The following P4HA3 variants were observed in gnomAD, a reference collection of about 807,000 sequenced individuals.
P4HA3 encodes prolyl 4-hydroxylase subunit alpha-3.
In P4HA3, 60 loss-of-function variants were observed where a neutral mutation model predicts 66.7. That is an observed-to-expected ratio of 0.90 (90% CI 0.73 to 1.12). P4HA3 has a LOEUF of 1.12. Ranked by LOEUF, P4HA3 falls within the 50% of genes most tolerant of loss-of-function variation. The probability of loss-of-function intolerance (pLI) is 0.00; values close to 1 mark genes in which losing one functional copy is unlikely to be tolerated. For missense variants in P4HA3, 683 were observed against 685.8 expected (o/e 1.00, Z 0.05); for synonymous variants, 263 against 274.6 (o/e 0.96, Z 0.42).
intron 15 of P4HA3, chr11:74,255,947 T>C: frequency 1.9e-6 from 1 of 517,180 alleles, no homozygotes; most frequent in Middle Eastern, 3.2e-4. Flanking sequence ...TTTGCTGAGC[T>C]ATGTGCCCTC....
chr11:74,259,170 G>A (rs1253709934), intron 15 of P4HA3, among the ~76,000 whole-genome samples: 2 of 152,194 alleles, frequency 1.3e-5, no homozygotes, highest in East Asian at 3.9e-4. Context: ...AAGCCAAGGT[G>A]GGCAGATAGT....
intron 1 of P4HA3, 134 bp downstream of exon 1, chr11:74,311,278 G>C: frequency 9.4e-7 from 1 of 1,066,308 alleles, no homozygotes; most frequent in Non-Finnish European, 1.3e-6. Context: ...CAGTCGCACG[G>C]TGCGACAGTG....
At chr11:74,277,202 C>T (rs546725559) in intron 8 of P4HA3, 58 bp from the exon 9 acceptor site, 14 of 1,544,580 alleles carry the variant, frequency 9.1e-6, no homozygotes, top group African/African-American at 6.8e-5. Flanking sequence ...GACTAAATGA[C>T]GTCTCTGAAT....
intron 4 of P4HA3, among the ~76,000 whole-genome samples, chr11:74,292,439 A>G (rs922126098): frequency 4.6e-5 from 7 of 151,876 alleles, no homozygotes; most frequent in Admixed American, 1.3e-4. Flanking sequence ...TTGTGTCTCT[A>G]TTTCCTTCAA....
intron 7 of P4HA3, among the ~76,000 whole-genome samples, chr11:74,280,142 G>A (rs2134748892): frequency 6.6e-6 from 1 of 152,158 alleles, no homozygotes; most frequent in East Asian, 1.9e-4. Context: ...TCTAGGTATA[G>A]CATTTAAATT....
intron 7 of P4HA3, among the ~76,000 whole-genome samples, chr11:74,282,142 AC>A (rs1860629560): frequency 2.7e-5 from 4 of 149,102 alleles, no homozygotes; most frequent in African/African-American, 7.3e-5. Flanking sequence ...AAAAAAAAAA[AC>A]AAAAAAAAAC....
intron 5 of P4HA3, among the ~76,000 whole-genome samples, chr11:74,288,146 C>A (rs1028730019): frequency 6.6e-6 from 1 of 152,138 alleles, no homozygotes. Context: ...CAAATACATA[C>A]ATATAACTTT....
chr11:74,270,035 T>C (rs931969264), intron 10 of P4HA3, among the ~76,000 whole-genome samples: 5 of 152,066 alleles, frequency 3.3e-5, no homozygotes, highest in Non-Finnish European at 5.9e-5. Flanking sequence ...AAATACATTT[T>C]AAATAATGAC....
At chr11:74,250,645 G>T (rs992815067) in intron 15 of P4HA3, 1 of 263,090 alleles carries the variant, frequency 3.8e-6, no homozygotes. Context: ...TAAAATGTTG[G>T]TTTTTGTGTT....
chr11:74,287,413 A>G (rs1410323510), intron 5 of P4HA3: 1 of 1,031,166 alleles, frequency 9.7e-7, no homozygotes, highest in African/African-American at 1.7e-5. Flanking sequence ...AAAGCCGGAA[A>G]TAAAACTGGG....
chr11:74,300,620 C>A (rs1448375033), intron 3 of P4HA3, among the ~76,000 whole-genome samples: 1 of 152,058 alleles, frequency 6.6e-6, no homozygotes, highest in Non-Finnish European at 1.5e-5. Flanking sequence ...GATGGCAGAG[C>A]AAAACCCTAA....
At chr11:74,277,572 T>C (rs574072384) in intron 8 of P4HA3, among the ~76,000 whole-genome samples, 1 of 152,346 alleles carries the variant, frequency 6.6e-6, no homozygotes, top group Admixed American at 6.5e-5. Flanking sequence ...GTCTATAAAA[T>C]TGGGATGATA....
At position 74,267,008 on chromosome 11, in the gene P4HA3, T is replaced by TC; in HGVS notation, c.*239dup. The stretch of plus-strand genomic sequence containing the variant: ...AGAAACTTCCCTCTCAGGCCTCCAC[T>TC]CCCCCCTCCTTTGTACTGTGCATCC... On this transcript the variant is annotated 3_prime_UTR_variant, in exon 13 of 13. Transcript: ENST00000331597. 6.6e-7 allele frequency: 1 copy of TC among 1,504,462 alleles called. No homozygotes were observed. 93.2% of individuals were successfully genotyped at this position (1,504,462 alleles called of 1,614,324 possible).
intron 1 of P4HA3, among the ~76,000 whole-genome samples, chr11:74,305,584 C>A (rs79538161): frequency 0.031 from 4,665 of 152,072 alleles, 246 homozygotes; most frequent in African/African-American, 0.11. Flanking sequence ...ATTTTTCAAG[C>A]CAACAGGAAC....
At chr11:74,266,346 T>A (rs1057344034), downstream of P4HA3, among the ~76,000 whole-genome samples, 24 of 152,208 alleles carry the variant, frequency 1.6e-4, no homozygotes, top group African/African-American at 5.5e-4. Context: ...AGTATTTGCA[T>A]ATAACCTGTA....
chr11:74,291,493 G>A (rs150351694), intron 4 of P4HA3, among the ~76,000 whole-genome samples: 7,736 of 152,210 alleles, frequency 0.051, 504 homozygotes, highest in African/African-American at 0.15. Context: ...TTGAATAGGA[G>A]TAGTGAGAGA....
chr11:74,295,117 T>C (rs1022889988), intron 4 of P4HA3, among the ~76,000 whole-genome samples: 3 of 152,228 alleles, frequency 2.0e-5, no homozygotes, highest in Non-Finnish European at 4.4e-5. Flanking sequence ...TGCGGGGCGT[T>C]GTTGTTTGTT....
At chr11:74,303,435 C>T (rs115286719) in intron 2 of P4HA3, among the ~76,000 whole-genome samples, 2,782 of 151,386 alleles carry the variant, frequency 0.018, 71 homozygotes, top group African/African-American at 0.054. Context: ...TACAGGCATG[C>T]GCCACCATGC....
chr11:74,304,602 G>A (rs1452150119), intron 1 of P4HA3, among the ~76,000 whole-genome samples, 190 bp from the exon 2 acceptor site: 2 of 152,022 alleles, frequency 1.3e-5, no homozygotes, highest in African/African-American at 2.4e-5. Context: ...ACAAAAGTAG[G>A]TCCACTCTTT....
Sources: gnomAD v4.1 joint callset for allele counts (sites outside exome capture counted in the v4.1 genomes callset) on GRCh38, gnomAD v4.1.1 for gene constraint, MANE v1.5 for transcripts, NCBI Gene and HGNC (gene_info 2026-07-23, HGNC 2026-07-21) for gene names.